The following C9 variants were observed in gnomAD, a reference collection of about 807,000 sequenced individuals.
C9 encodes complement C9.
In C9, 63 loss-of-function variants were observed where a neutral mutation model predicts 65.4. That is an observed-to-expected ratio of 0.96 (90% confidence interval 0.79 to 1.19). The LOEUF (loss-of-function observed/expected upper bound fraction) is 1.19. C9 is among the 50% of genes most tolerant of loss of function. The pLI is 0.00. For synonymous variants in C9, 229 were observed against 227.9 expected, an observed-to-expected ratio of 1.00 and a Z score of -0.04; for missense variants, 744 against 670.1, an observed-to-expected ratio of 1.11 and a Z score of -1.22.
intron 1 of C9, among the ~76,000 whole-genome samples, chr5:39,356,679 C>T (rs1040175915): frequency 1.2e-4 from 19 of 152,200 alleles, no homozygotes; most frequent in Admixed American, 1.1e-3. Flanking sequence ...CAGAGAATAA[C>T]AAGTCATGCA....
At chr5:39,288,201 C>T (rs894619288) in intron 10 of C9, among the ~76,000 whole-genome samples, 2 of 151,614 alleles carry the variant, frequency 1.3e-5, no homozygotes, top group Non-Finnish European at 2.9e-5. Context: ...AAGATACATA[C>T]CAACTTAATG....
intron 1 of C9, among the ~76,000 whole-genome samples, chr5:39,346,072 A>T (rs1316423348): frequency 6.6e-6 from 1 of 152,252 alleles, no homozygotes; most frequent in Non-Finnish European, 1.5e-5. Flanking sequence ...AAAGCAGGAA[A>T]GATCTAAAAT....
At chr5:39,344,418 A>G (rs540694527) in intron 1 of C9, among the ~76,000 whole-genome samples, 2 of 152,374 alleles carry the variant, frequency 1.3e-5, no homozygotes, top group Middle Eastern at 3.4e-3. Context: ...AAGAAAGGGT[A>G]TCAGTGATTG....
intron 9 of C9, among the ~76,000 whole-genome samples, chr5:39,300,566 T>C (rs946262406): frequency 4.0e-5 from 6 of 151,898 alleles, no homozygotes; most frequent in Admixed American, 1.3e-4. Flanking sequence ...GCTATGTGCA[T>C]ACCAACAGAG....
intron 9 of C9, among the ~76,000 whole-genome samples, chr5:39,290,955 T>C (rs1343714253): frequency 6.6e-6 from 1 of 151,942 alleles, no homozygotes; most frequent in African/African-American, 2.4e-5. Flanking sequence ...CTGGAAGCTT[T>C]TCAAATATAA....
At chr5:39,343,048 C>T (rs1235136376) in intron 1 of C9, among the ~76,000 whole-genome samples, 2 of 152,112 alleles carry the variant, frequency 1.3e-5, no homozygotes, top group Non-Finnish European at 2.9e-5. Flanking sequence ...CCTCTTAAAC[C>T]ACAGAAAAGG....
chr5:39,312,194 A>T (rs1219601571), intron 6 of C9, among the ~76,000 whole-genome samples: 1 of 152,194 alleles, frequency 6.6e-6, no homozygotes, highest in Non-Finnish European at 1.5e-5. Flanking sequence ...TCTATGTTAA[A>T]ACATTTAAAA....
At chr5:39,333,882 G>C (rs183398710) in intron 4 of C9, among the ~76,000 whole-genome samples, 5 of 152,162 alleles carry the variant, frequency 3.3e-5, no homozygotes, top group African/African-American at 1.2e-4. Context: ...CTGAGTTGCC[G>C]GGATTGCAGA....
At chr5:39,341,455 G>T in intron 3 of C9, 101 bp downstream of exon 3, 5 of 1,487,720 alleles carry the variant, frequency 3.4e-6, no homozygotes, top group Non-Finnish European at 4.7e-6. Context: ...GGCCTTTCAC[G>T]CTTGGAAATC....
At chr5:39,331,572 A>T in intron 5 of C9, 104 bp downstream of exon 5, 1 of 985,432 alleles carries the variant, frequency 1.0e-6, no homozygotes, top group Non-Finnish European at 1.6e-6. Flanking sequence ...TGTTCATGTG[A>T]AATTATTATT....
At chr5:39,348,594 AT>A (rs1270892064) in intron 1 of C9, among the ~76,000 whole-genome samples, 4 of 152,168 alleles carry the variant, frequency 2.6e-5, no homozygotes, top group Non-Finnish European at 5.9e-5. Flanking sequence ...TAGTTCAACC[AT>A]TGTGGAAGTC....
intron 1 of C9, among the ~76,000 whole-genome samples, chr5:39,345,933 C>T (rs184330125): frequency 1.2e-3 from 188 of 152,120 alleles, no homozygotes; most frequent in African/African-American, 2.9e-3. Flanking sequence ...GGGTACATAA[C>T]GAAATGAAGC....
intron 1 of C9, among the ~76,000 whole-genome samples, chr5:39,363,631 G>A (rs1471680226): frequency 6.6e-6 from 1 of 152,130 alleles, no homozygotes; most frequent in East Asian, 1.9e-4. Flanking sequence ...ACAGGTCGAT[G>A]TCTACTCTGA....
At chr5:39,334,278 G>C (rs906547421) in intron 4 of C9, among the ~76,000 whole-genome samples, 3 of 151,598 alleles carry the variant, frequency 2.0e-5, no homozygotes, top group African/African-American at 7.3e-5. Flanking sequence ...CGTCTGGGAT[G>C]TGAGAAGCGC....
intron 9 of C9, 63 bp from the exon 10 acceptor site, chr5:39,289,014 C>G: frequency 1.1e-6 from 1 of 883,966 alleles, no homozygotes; most frequent in Non-Finnish European, 1.9e-6. Context: ...GTAGAATACA[C>G]TTTACTTAAT....
chr5:39,303,702 T>C (rs1753324747), intron 9 of C9, among the ~76,000 whole-genome samples: 1 of 151,976 alleles, frequency 6.6e-6, no homozygotes, highest in Admixed American at 6.6e-5. Flanking sequence ...GAGAAAAAAA[T>C]CAATTCTCAG....
At chr5:39,334,945 G>C (rs1265972438) in intron 4 of C9, among the ~76,000 whole-genome samples, 2 of 151,946 alleles carry the variant, frequency 1.3e-5, no homozygotes, top group Non-Finnish European at 2.9e-5. Flanking sequence ...AAGTAGACAT[G>C]GGAGACTTTT....
intron 1 of C9, among the ~76,000 whole-genome samples, chr5:39,346,996 A>G (rs1459106793): frequency 6.6e-6 from 1 of 152,222 alleles, no homozygotes; most frequent in Non-Finnish European, 1.5e-5. Flanking sequence ...AACTCTCTAT[A>G]AATTAGGTAT....
intron 9 of C9, among the ~76,000 whole-genome samples, chr5:39,299,409 C>T (rs559800659): frequency 3.7e-4 from 57 of 152,104 alleles, no homozygotes; most frequent in Non-Finnish European, 6.8e-4. Flanking sequence ...AAAATATCCC[C>T]GTCTGGGAAC....
Sources: allele counts gnomAD v4.1 joint callset (sites outside exome capture counted in the v4.1 genomes callset), GRCh38; gene constraint gnomAD v4.1.1; transcripts MANE v1.5; gene names NCBI Gene and HGNC (gene_info 2026-07-23, HGNC 2026-07-21).